Variants in IGFL2 observed in about 807,000 individuals in gnomAD.
The protein encoded by IGFL2 is insulin growth factor-like family member 2.
In IGFL2, 7 loss-of-function variants were observed where a neutral mutation model predicts 13.9. The observed-to-expected ratio is 0.51, with a 90% confidence interval of 0.29 to 0.95. The LOEUF is 0.95. Ranked by LOEUF, IGFL2 falls within the 40% of genes least tolerant of loss-of-function variation. The pLI, the probability that IGFL2 is intolerant of heterozygous loss-of-function variation, is 0.08. For missense variants in IGFL2, 138 were observed against 147.8 expected, an observed-to-expected ratio of 0.93 and a Z score of 0.34; for synonymous variants, 55 against 55.8, an observed-to-expected ratio of 0.99 and a Z score of 0.07.
At chr19:46,124,062 A>G in the IGFL2 span, 1 of 1,611,446 alleles carries the variant, frequency 6.2e-7, no homozygotes, top group African/African-American at 1.4e-5. Context: ...ATAAGATGGC[A>G]TCATCATAAC....
chr19:46,158,109 A>G (rs1973922331), intron 1 of IGFL2, among the ~76,000 whole-genome samples: 1 of 152,234 alleles, frequency 6.6e-6, no homozygotes, highest in Non-Finnish European at 1.5e-5. Context: ...GAAAATTACA[A>G]AATGCTCCTG....
chr19:46,154,117 T>C (rs983486944), intron 1 of IGFL2, among the ~76,000 whole-genome samples: 1 of 152,186 alleles, frequency 6.6e-6, no homozygotes, highest in Non-Finnish European at 1.5e-5. Context: ...GTTAGTTTGC[T>C]GAGGATGATG....
chr19:46,123,269 A>G, the IGFL2 span, among the ~76,000 whole-genome samples: 2 of 150,896 alleles, frequency 1.3e-5, no homozygotes, highest in Non-Finnish European at 2.9e-5. Flanking sequence ...GTTTTTCTCC[A>G]GGTATCTTAC....
downstream of IGFL2, among the ~76,000 whole-genome samples, chr19:46,162,551 A>G (rs575162535): frequency 2.0e-5 from 3 of 152,278 alleles, no homozygotes; most frequent in Admixed American, 1.3e-4. Context: ...CCAGTCTTCA[A>G]GTTCTGAGAT....
chr19:46,186,366 T>C, the IGFL2 span, among the ~76,000 whole-genome samples: 15 of 152,330 alleles, frequency 9.8e-5, no homozygotes, highest in African/African-American at 3.6e-4. Flanking sequence ...CGGAGAATTT[T>C]GGATGGGATA....
chr19:46,083,205 G>A, the IGFL2 span, among the ~76,000 whole-genome samples: 1 of 152,220 alleles, frequency 6.6e-6, no homozygotes, highest in South Asian at 2.1e-4. Flanking sequence ...CTGACTGGAT[G>A]CAGTGCACAA....
the IGFL2 span, among the ~76,000 whole-genome samples, chr19:46,168,916 ATG>A: frequency 9.4e-4 from 136 of 145,392 alleles, no homozygotes; most frequent in South Asian, 1.3e-3. Context: ...GTGTGTGTGT[ATG>A]TGTGTGTGTG....
chr19:46,165,623 C>T (rs932048806), downstream of IGFL2, among the ~76,000 whole-genome samples: 14 of 152,340 alleles, frequency 9.2e-5, no homozygotes, highest in South Asian at 4.1e-4. Flanking sequence ...ACTGAGCCTC[C>T]GCAAATTACC....
chr19:46,196,630 G>A, the IGFL2 span, among the ~76,000 whole-genome samples: 1 of 152,130 alleles, frequency 6.6e-6, no homozygotes, highest in Non-Finnish European at 1.5e-5. Flanking sequence ...CAACCACATT[G>A]CCCTGAACCC....
chr19:46,141,447 T>C (rs1461788881), upstream of IGFL2, among the ~76,000 whole-genome samples: 1 of 152,116 alleles, frequency 6.6e-6, no homozygotes, highest in Non-Finnish European at 1.5e-5. Flanking sequence ...TGAGTTTCAC[T>C]GCTTAAAATT....
the IGFL2 span, among the ~76,000 whole-genome samples, chr19:46,089,833 C>G: frequency 1.9e-4 from 29 of 151,928 alleles, no homozygotes; most frequent in Non-Finnish European, 4.1e-4. Flanking sequence ...TTGGGGTAAT[C>G]TTATTTGGAT....
the IGFL2 span, among the ~76,000 whole-genome samples, chr19:46,124,862 C>T: frequency 9.3e-5 from 14 of 150,652 alleles, 1 homozygote; most frequent in African/African-American, 2.5e-4. Context: ...GACTGGGTGG[C>T]GTAAGGGACC....
chr19:46,148,732 A>AGGG, intron 1 of IGFL2: 1 of 742,976 alleles, frequency 1.3e-6, no homozygotes, highest in Non-Finnish European at 2.1e-6. Flanking sequence ...TGGTGAGTGG[A>AGGG]GGGAGAAGAA....
At chr19:46,161,315 T>A, downstream of IGFL2, 1 of 407,384 alleles carries the variant, frequency 2.5e-6, no homozygotes, top group Non-Finnish European at 4.3e-6. Flanking sequence ...TGTCGTCTCC[T>A]TTCTTTTTTT....
chr19:46,083,295 C>A, the IGFL2 span, among the ~76,000 whole-genome samples: 1 of 152,130 alleles, frequency 6.6e-6, no homozygotes, highest in Non-Finnish European at 1.5e-5. Flanking sequence ...TCGTTTTCAA[C>A]AGAAGACTAA....
intron 1 of IGFL2, among the ~76,000 whole-genome samples, chr19:46,157,341 A>C (rs1359692071): frequency 6.6e-6 from 1 of 152,196 alleles, no homozygotes; most frequent in Non-Finnish European, 1.5e-5. Flanking sequence ...CAAAGCAATG[A>C]AACTATAGAC....
At chr19:46,199,879 A>T in the IGFL2 span, among the ~76,000 whole-genome samples, 1 of 152,076 alleles carries the variant, frequency 6.6e-6, no homozygotes, top group East Asian at 1.9e-4. Context: ...ATTCCTTTTT[A>T]AATTTTTTTT....
At chr19:46,157,358 C>G (rs946461592) in intron 1 of IGFL2, among the ~76,000 whole-genome samples, 1 of 152,072 alleles carries the variant, frequency 6.6e-6, no homozygotes, top group Non-Finnish European at 1.5e-5. Flanking sequence ...AGACCAATAT[C>G]CTTCATGCAA....
the IGFL2 span, among the ~76,000 whole-genome samples, chr19:46,128,886 T>C: frequency 4.6e-4 from 70 of 152,310 alleles, no homozygotes; most frequent in Middle Eastern, 0.034. Flanking sequence ...AGTCCCTCCT[T>C]CTCAATTTTT....
Sources: gnomAD v4.1 joint callset for allele counts (sites outside exome capture counted in the v4.1 genomes callset) on GRCh38, gnomAD v4.1.1 for gene constraint, MANE v1.5 for transcripts, NCBI Gene and HGNC (gene_info 2026-07-23, HGNC 2026-07-21) for gene names.